The following KIAA0319 variants were observed in gnomAD, a reference collection of about 807,000 sequenced individuals.
KIAA0319 encodes the protein KIAA0319, also known as dyslexia-associated protein KIAA0319.
A neutral mutation model predicts 108.4 loss-of-function variants in KIAA0319; 83 were observed. The observed-to-expected ratio is 0.77, with a 90% confidence interval of 0.64 to 0.92. The LOEUF (loss-of-function observed/expected upper bound fraction) is 0.92, where lower values mean the gene tolerates loss of function less well. Among genes scored for constraint, KIAA0319 ranks in the 40% least tolerant of loss-of-function variants. KIAA0319 has a pLI of 0.00. For synonymous variants in KIAA0319, 484 were observed against 510.4 expected (o/e 0.95, Z 0.70); for missense variants, 1,195 against 1,322.4 (o/e 0.90, Z 1.49).
Position 24,576,592 on chromosome 6 carries a change from T to A in KIAA0319, c.1510A>T (p.Thr504Ser), listed in dbSNP as rs1765564184. 5.0e-6 allele frequency: 8 copies of A among 1,613,014 alleles called. No homozygotes were observed. Among genetic ancestry groups the A allele is most frequent in the Non-Finnish European group, 6.8e-6 (8 of 1,179,190 alleles). Residue 504 changes from threonine (T) to serine (S), a missense_variant, in exon 10 of 21, where the codon ACT (threonine) becomes TCT (serine). By Grantham distance (58) the Thr-to-Ser change is moderately conservative (BLOSUM62 1). Transcript: ENST00000378214. Reference sequence around the variant, plus strand: ...GTGGCTCCGTCCGAGTCTGTAACAGTCAACCTACAAAAAGGAGAAGAAGCC... The same window carrying A: ...GTGGCTCCGTCCGAGTCTGTAACAGACAACCTACAAAAAGGAGAAGAAGCC... ...LDPGNYSFRL[T>S]VTDSDGATNS...
At position 24,596,596 on chromosome 6, in the gene KIAA0319, G is replaced by A. The variant is rs777614817; in HGVS notation, c.78C>T (p.Ser26=). The A allele has an allele frequency of 6.1e-5, 99 of 1,609,922 alleles. No homozygotes were observed. Among genetic ancestry groups the A allele is most frequent in the Non-Finnish European group, 8.1e-5 (95 of 1,177,406 alleles). ...CTGCATTGGAATATGTCCTCCCCTCGCTGCACTGCTTACGGGCACAACCTT... is the reference window on the plus strand; with the variant it reads ...CTGCATTGGAATATGTCCTCCCCTCACTGCACTGCTTACGGGCACAACCTT... ...TIAGCARKQC[S]EGRTYSNAVI... The change falls in exon 3 of 21, where the codon AGC becomes AGT. Residue 26 remains serine, a synonymous_variant. Coordinates refer to ENST00000378214, the MANE Select transcript of KIAA0319 (RefSeq NM_014809.4).
chr6:24,579,534 T>C (rs534627897), intron 8 of KIAA0319, among the ~76,000 whole-genome samples: 20 of 146,304 alleles, frequency 1.4e-4, no homozygotes, highest in African/African-American at 4.5e-4. Context: ...TATATATATA[T>C]ACATATATAT....
At chr6:24,564,080 C>G in intron 15 of KIAA0319, 122 bp downstream of exon 15, 1 of 1,208,700 alleles carries the variant, frequency 8.3e-7, no homozygotes, top group Non-Finnish European at 1.2e-6. Context: ...CAAAGTGGGT[C>G]CAGCCAAGAG....
chr6:24,540,454 G>A (rs946946362), downstream of KIAA0319, among the ~76,000 whole-genome samples: 6 of 152,142 alleles, frequency 3.9e-5, no homozygotes, highest in African/African-American at 1.4e-4. Flanking sequence ...AGGCATGACC[G>A]TATAAGCCTA....
At position 24,629,514 on chromosome 6, in the gene KIAA0319, C is replaced by CAAAAAA. The variant is rs397974257; in HGVS notation, c.-106+16216_-106+16221dup. On this transcript the variant is annotated intron_variant, in intron 1 of 20. Transcript: ENST00000378214. ...TGGGCAACAGAGTGAGACTCTGTCT[C>CAAAAAA]AAAAAAAAAAAAAAAAAGAAAGAAA... 2.5e-3 allele frequency among the ~76,000 whole-genome samples: 105 copies of CAAAAAA among 42,390 alleles called. 5 individuals are homozygous for CAAAAAA. Among genetic ancestry groups the CAAAAAA allele is most frequent in the Admixed American group, 5.9e-3 (17 of 2,886 alleles). The allele number at this position is 42,390 out of a possible 152,430, so 27.8% of individuals were successfully genotyped here.
At chr6:24,598,448 T>C in intron 2 of KIAA0319, 1 of 555,176 alleles carries the variant, frequency 1.8e-6, no homozygotes. Flanking sequence ...GTGGACTGCA[T>C]GTTCAAGAGC....
chr6:24,609,343 C>A (rs542248762), intron 1 of KIAA0319, among the ~76,000 whole-genome samples: 2 of 151,148 alleles, frequency 1.3e-5, no homozygotes, highest in African/African-American at 4.9e-5. Context: ...CTTTGGGAGC[C>A]CGAGGCAGGC....
rs138761129 is a variant in KIAA0319 at position 24,584,047 on chromosome 6, C to T, written c.995-345G>A. Among the ~76,000 whole-genome samples, 81 of 152,256 alleles carry T rather than the reference C, an allele frequency of 5.3e-4. No homozygotes were observed. In the East Asian group the frequency reaches 0.014, roughly 26 times the overall value. ...CTCCCTTGCTATCAGCTTTTCTTGA[C>T]GCCCTGGTGTGAGCTATTTTTAGTT... On this transcript the variant is annotated intron_variant, in intron 4 of 20. Coordinates refer to ENST00000378214, the MANE Select transcript of KIAA0319 (RefSeq NM_014809.4).
intron 17 of KIAA0319, 24 bp from the exon 18 acceptor site, chr6:24,556,753 A>C (rs575158681): frequency 6.3e-7 from 1 of 1,596,244 alleles, no homozygotes; most frequent in South Asian, 1.1e-5. Context: ...TGTAGGGCTG[A>C]GGGCAGCATG....
At chr6:24,548,147 T>A (rs778660000) in intron 20 of KIAA0319, among the ~76,000 whole-genome samples, 1 of 152,328 alleles carries the variant, frequency 6.6e-6, no homozygotes, top group East Asian at 1.9e-4. Flanking sequence ...CATATACTTA[T>A]GGCAGGGGTT....
intron 6 of KIAA0319, among the ~76,000 whole-genome samples, chr6:24,581,748 C>G (rs897111415): frequency 1.3e-5 from 2 of 151,948 alleles, no homozygotes; most frequent in Non-Finnish European, 1.5e-5. Flanking sequence ...ACTAAGTAAC[C>G]CAAATAAAGA....
Position 24,583,002 on chromosome 6 carries a change from A to G in KIAA0319, c.1093+602T>C. Reference sequence around the variant, plus strand: ...TTGACCAATATGTGGTGGAGAAAAAAATGAATTAAGGAACTAACCTGAATG... The same window carrying G: ...TTGACCAATATGTGGTGGAGAAAAAGATGAATTAAGGAACTAACCTGAATG... On this transcript the variant is annotated intron_variant, in intron 5 of 20. Transcript: ENST00000378214. 10 of 889,170 alleles carry G rather than the reference A, an allele frequency of 1.1e-5. 1 individual carries two copies. The highest frequency in any genetic ancestry group is 1.3e-5 in the Non-Finnish European group (10 of 742,292). The allele number at this position is 889,170 out of a possible 1,614,324, so 55.1% of individuals were successfully genotyped here. A position where few individuals can be genotyped will look rare whatever the true frequency, so the allele number is the denominator to read the frequency against.
chr6:24,563,695 C>T (rs919065523), intron 15 of KIAA0319, among the ~76,000 whole-genome samples, 177 bp from the exon 16 acceptor site: 2 of 152,184 alleles, frequency 1.3e-5, no homozygotes, highest in African/African-American at 4.8e-5. Flanking sequence ...GAGTACTTTC[C>T]CTTGTTTTAT....
chr6:24,573,948 C>A (rs1765103124), intron 10 of KIAA0319, among the ~76,000 whole-genome samples: 1 of 151,892 alleles, frequency 6.6e-6, no homozygotes, highest in South Asian at 2.1e-4. Flanking sequence ...AACCCCGTCT[C>A]TACTAAAAAT....
intron 1 of KIAA0319, among the ~76,000 whole-genome samples, chr6:24,613,531 T>G (rs1772696420): frequency 6.6e-6 from 1 of 152,014 alleles, no homozygotes; most frequent in Non-Finnish European, 1.5e-5. Context: ...GAGCTGACAT[T>G]TACACTTCAC....
intron 1 of KIAA0319, among the ~76,000 whole-genome samples, chr6:24,606,490 A>G (rs765865202): frequency 1.3e-5 from 2 of 152,186 alleles, no homozygotes; most frequent in Non-Finnish European, 1.5e-5. Context: ...AAATGGGCAA[A>G]GCACAGAAGG....
intron 1 of KIAA0319, among the ~76,000 whole-genome samples, chr6:24,610,557 C>A (rs1160054323): frequency 6.6e-6 from 1 of 152,138 alleles, no homozygotes; most frequent in Non-Finnish European, 1.5e-5. Flanking sequence ...CTATATAACC[C>A]AGCAATTCTA....
chr6:24,568,142 C>T (rs1183966614), intron 13 of KIAA0319, among the ~76,000 whole-genome samples: 1 of 152,194 alleles, frequency 6.6e-6, no homozygotes, highest in Non-Finnish European at 1.5e-5. Flanking sequence ...AGCCACTCTC[C>T]CAGCGTCCCA....
At chr6:24,562,437 G>A (rs1315531747) in intron 16 of KIAA0319, among the ~76,000 whole-genome samples, 1 of 152,308 alleles carries the variant, frequency 6.6e-6, no homozygotes, top group South Asian at 2.1e-4. Flanking sequence ...AACCAAAGTG[G>A]AAGAGCTGAC....
Sources: gnomAD v4.1 joint callset for allele counts (sites outside exome capture counted in the v4.1 genomes callset) on GRCh38, gnomAD v4.1.1 for gene constraint, MANE v1.5 for transcripts, NCBI Gene and HGNC (gene_info 2026-07-23, HGNC 2026-07-21) for gene names.